The following PIP5K1B variants were observed in gnomAD, a reference collection of about 807,000 sequenced individuals.
The protein encoded by PIP5K1B is phosphatidylinositol 4-phosphate 5-kinase type-1 beta.
A neutral mutation model predicts 67.0 loss-of-function variants in PIP5K1B; 42 were observed. The ratio of observed to expected loss-of-function variants is 0.63; its 90% confidence interval spans 0.49 to 0.81. PIP5K1B has a LOEUF of 0.81. Among genes scored for constraint, PIP5K1B ranks in the 30% least tolerant of loss-of-function variants. The pLI is 0.00. For synonymous variants in PIP5K1B, 214 were observed against 231.4 expected (o/e 0.92, Z 0.68); for missense variants, 459 against 646.3 (o/e 0.71, Z 3.14).
intron 6 of PIP5K1B, among the ~76,000 whole-genome samples, chr9:68,883,957 G>T (rs576908183): frequency 1.4e-4 from 21 of 152,202 alleles, no homozygotes; most frequent in Non-Finnish European, 2.1e-4. Context: ...ATATTCAGAA[G>T]AATGAAATTG....
At chr9:68,961,084 C>T (rs974464441) in intron 14 of PIP5K1B, among the ~76,000 whole-genome samples, 11 of 152,032 alleles carry the variant, frequency 7.2e-5, no homozygotes, top group African/African-American at 2.7e-4. Context: ...GTGGCGGGCG[C>T]CTGTAGTCCC....
intron 14 of PIP5K1B, among the ~76,000 whole-genome samples, chr9:68,960,050 G>C (rs781630607): frequency 2.3e-4 from 35 of 152,272 alleles, no homozygotes; most frequent in Non-Finnish European, 4.1e-4. Flanking sequence ...TTTCTGCAGA[G>C]CACATCCCCC....
intron 2 of PIP5K1B, among the ~76,000 whole-genome samples, chr9:68,766,790 T>C (rs747537484): frequency 5.9e-5 from 9 of 152,156 alleles, no homozygotes; most frequent in Non-Finnish European, 1.3e-4. Flanking sequence ...CAATATCAGA[T>C]ATCAAAAAGG....
Position 68,888,981 on chromosome 9 carries a change from T to C in PIP5K1B, c.319T>C (p.Tyr107His). The stretch of plus-strand genomic sequence containing the variant: ...AATGTTTATTCATTTACCCTTTTAG[T>C]ATTCCATCTGCAGTGAACCTCTAAT... ...LFGIKPDDYL[Y>H]SICSEPLIEL... The change falls in exon 7 of 16, where the codon TAT becomes CAT. Residue 107 changes from tyrosine (Y) to histidine (H), a missense_variant and splice_region_variant. Transcript: ENST00000265382. The C allele has an allele frequency of 6.2e-7, 1 of 1,601,966 alleles. No homozygotes were observed. The highest frequency in any genetic ancestry group is 8.6e-7 in the Non-Finnish European group (1 of 1,169,586).
At chr9:68,805,266 T>G (rs1587478854) in intron 2 of PIP5K1B, among the ~76,000 whole-genome samples, 2 of 152,136 alleles carry the variant, frequency 1.3e-5, no homozygotes, top group Non-Finnish European at 2.9e-5. Context: ...GGAAGAATGG[T>G]GGAGGAGCGG....
At chr9:68,733,627 CTTTTTTTTTTTTTTTTTT>C (rs35759487) in intron 1 of PIP5K1B, among the ~76,000 whole-genome samples, 1 of 56,464 alleles carries the variant, frequency 1.8e-5, no homozygotes, top group Non-Finnish European at 3.0e-5. Flanking sequence ...TACTTAGACT[CTTTTTTTTTTTTTTTTTT>C]TTTTTTTTTT....
At position 68,934,886 on chromosome 9, in the gene PIP5K1B, C is replaced by T; in HGVS notation, c.1202-4C>T. 1 of 1,600,544 alleles carries T rather than the reference C, an allele frequency of 6.2e-7. No homozygotes were observed. Among genetic ancestry groups the T allele is most frequent in the Non-Finnish European group, 8.5e-7 (1 of 1,173,364 alleles). On this transcript the variant is annotated splice_region_variant and splice_polypyrimidine_tract_variant and intron_variant, in intron 12 of 15. Coordinates refer to ENST00000265382, the MANE Select transcript of PIP5K1B (RefSeq NM_003558.4). ...CTGTATTTGTCCTTTTCCTTTCTGT[C>T]TAGCTTTGAAGGCTTCACCGTCTAA...
chr9:68,900,746 G>A (rs1825317116), intron 8 of PIP5K1B, among the ~76,000 whole-genome samples: 1 of 151,990 alleles, frequency 6.6e-6, no homozygotes, highest in Non-Finnish European at 1.5e-5. Context: ...TAAAGAGTGT[G>A]GAACCAATTT....
At chr9:68,940,275 C>T (rs542033201) in intron 13 of PIP5K1B, among the ~76,000 whole-genome samples, 6 of 152,308 alleles carry the variant, frequency 3.9e-5, no homozygotes, top group Admixed American at 2.0e-4. Flanking sequence ...AAAAGGTTCA[C>T]TGTCTGTTTA....
At chr9:68,956,170 C>T (rs192733529) in intron 14 of PIP5K1B, among the ~76,000 whole-genome samples, 105 of 152,266 alleles carry the variant, frequency 6.9e-4, no homozygotes, top group African/African-American at 2.4e-3. Context: ...TCAAATGCAT[C>T]GTTTGAAACA....
chr9:68,780,078 C>T (rs910543563), intron 2 of PIP5K1B: 135 of 1,372,766 alleles, frequency 9.8e-5, no homozygotes, highest in South Asian at 4.1e-4. Context: ...TTCTCGGTGG[C>T]GGCGGCAGCG....
intron 8 of PIP5K1B, among the ~76,000 whole-genome samples, chr9:68,914,112 T>TG (rs1190192176): frequency 3.3e-5 from 5 of 152,186 alleles, no homozygotes; most frequent in Non-Finnish European, 5.9e-5. Flanking sequence ...AATTAATTCA[T>TG]GGATGCTTTG....
chr9:68,739,787 T>C (rs992732772), intron 1 of PIP5K1B: 6 of 152,234 alleles, frequency 3.9e-5, no homozygotes, highest in African/African-American at 1.4e-4. Flanking sequence ...CCTAAACTCA[T>C]GTGACCTGCA....
At chr9:68,968,413 G>A (rs535470942) in intron 14 of PIP5K1B, among the ~76,000 whole-genome samples, 3 of 151,806 alleles carry the variant, frequency 2.0e-5, no homozygotes, top group East Asian at 1.9e-4. Flanking sequence ...CCAGCTACTC[G>A]GGAGGCTGAG....
At chr9:68,857,954 G>T (rs890179483) in intron 4 of PIP5K1B, among the ~76,000 whole-genome samples, 2 of 86,124 alleles carry the variant, frequency 2.3e-5, no homozygotes, top group Non-Finnish European at 5.5e-5. Flanking sequence ...TTACTCTCTT[G>T]CTGTTTTGTT....
At chr9:68,958,296 C>T (rs534007843) in intron 14 of PIP5K1B, among the ~76,000 whole-genome samples, 1 of 152,276 alleles carries the variant, frequency 6.6e-6, no homozygotes, top group South Asian at 2.1e-4. Context: ...AAAGACAGGA[C>T]ACTATGGCTT....
At position 68,705,681 on chromosome 9, in the gene PIP5K1B, G is replaced by A. The variant is rs1268206964; in HGVS notation, c.-324G>A. ...TGCACTGCTCTCCCTTCGCTGTGGGGAAGCGACAACGTCCCGATAACTTGC... is the reference window on the plus strand; with the variant it reads ...TGCACTGCTCTCCCTTCGCTGTGGGAAAGCGACAACGTCCCGATAACTTGC... On this transcript the variant is annotated 5_prime_UTR_variant, in exon 1 of 16. Coordinates refer to ENST00000265382, the MANE Select transcript of PIP5K1B (RefSeq NM_003558.4). 6.7e-6 allele frequency: 1 copy of A among 149,180 alleles called. No individual in the cohort carries two copies. The highest frequency in any genetic ancestry group is 1.5e-5 in the Non-Finnish European group (1 of 67,166). 9.2% of individuals were successfully genotyped at this position (149,180 alleles called of 1,614,324 possible). A position where few individuals can be genotyped will look rare whatever the true frequency, so the allele number is the denominator to read the frequency against.
intron 14 of PIP5K1B, among the ~76,000 whole-genome samples, chr9:68,967,224 T>C (rs185577801): frequency 6.6e-6 from 1 of 152,320 alleles, no homozygotes; most frequent in East Asian, 1.9e-4. Context: ...TAGCTGGACT[T>C]TTTTGTGGGG....
chr9:69,005,896 T>TA (rs1831056415), intron 15 of PIP5K1B, among the ~76,000 whole-genome samples: 1 of 151,932 alleles, frequency 6.6e-6, no homozygotes, highest in Non-Finnish European at 1.5e-5. Context: ...TTTTTTTCTT[T>TA]AGAGACAGGG....
Sources: allele counts gnomAD v4.1 joint callset (sites outside exome capture counted in the v4.1 genomes callset), GRCh38; gene constraint gnomAD v4.1.1; transcripts MANE v1.5; gene names NCBI Gene and HGNC (gene_info 2026-07-23, HGNC 2026-07-21).